The following PHF20L1 variants were observed in gnomAD, a reference collection of about 807,000 sequenced individuals.
PHF20L1 encodes the protein PHD finger protein 20-like protein 1.
A neutral mutation model predicts 125.5 loss-of-function variants in PHF20L1; 44 were observed. The ratio of observed to expected loss-of-function variants is 0.35; its 90% CI spans 0.28 to 0.45. The LOEUF (loss-of-function observed/expected upper bound fraction) is 0.45, where lower values mean the gene tolerates loss of function less well. Among genes scored for constraint, PHF20L1 ranks in the 20% least tolerant of loss-of-function variants. The pLI, the probability that PHF20L1 is intolerant of heterozygous loss-of-function variation, is 1.00. For missense variants in PHF20L1, 1,012 were observed against 1,217.2 expected, an observed-to-expected ratio of 0.83 and a Z score of 2.51; for synonymous variants, 380 against 403.1, an observed-to-expected ratio of 0.94 and a Z score of 0.69.
intron 10 of PHF20L1, chr8:132,816,560 G>A (rs1318827730): frequency 2.5e-5 from 5 of 200,646 alleles, no homozygotes; most frequent in South Asian, 1.1e-4. Flanking sequence ...CTATTTTCCC[G>A]AAGGAAAAAT....
intron 18 of PHF20L1, 126 bp from the exon 19 acceptor site, chr8:132,842,389 T>C (rs1838020823): frequency 1.4e-6 from 1 of 692,992 alleles, no homozygotes. Flanking sequence ...ATTTAAAGAT[T>C]ACCTTTGCTT....
chr8:132,834,249 G>T (rs1212722195), intron 15 of PHF20L1, among the ~76,000 whole-genome samples: 2 of 152,054 alleles, frequency 1.3e-5, no homozygotes, highest in African/African-American at 4.8e-5. Context: ...AAATTTGCTT[G>T]CTAACACCAT....
Position 132,782,772 on chromosome 8 carries a change from C to CT in PHF20L1, c.83+4874dup, listed in dbSNP as rs201732108. Among the ~76,000 whole-genome samples the CT allele has an allele frequency of 9.7e-3, 1,374 of 141,870 alleles. 34 individuals carry two copies. The highest frequency in any genetic ancestry group is 0.088 in the East Asian group (434 of 4,922). The allele number at this position is 141,870 out of a possible 152,430, so 93.1% of individuals were successfully genotyped here. On this transcript the variant is annotated intron_variant, in intron 2 of 20. Transcript: ENST00000395386. Reference sequence around the variant, plus strand: ...ACCTGCTGATTTTCTTTTTCTTTTTCTTTTTTTTTTTTTGGTAGAGAAAGC... The same window carrying CT: ...ACCTGCTGATTTTCTTTTTCTTTTTCTTTTTTTTTTTTTTGGTAGAGAAAGC...
intron 8 of PHF20L1, chr8:132,810,796 G>T: frequency 2.5e-6 from 1 of 408,002 alleles, no homozygotes; most frequent in South Asian, 2.5e-5. Context: ...GTGCAAGTGT[G>T]TGTTTTCAGT....
At position 132,844,176 on chromosome 8, in the gene PHF20L1, A is replaced by G. The variant is rs1404731556; in HGVS notation, c.2769A>G (p.Thr923=). The change falls in exon 20 of 21, where the codon ACA becomes ACG. Residue 923 remains threonine (T), a synonymous_variant. Coordinates refer to ENST00000395386, the MANE Select transcript of PHF20L1 (RefSeq NM_016018.5). ...AGAAGAATCCAGCTGAAGGGAATAC[A>G]GTATTTGTTTATAATGATAAAAAGG... ...MPEKNPAEGN[T]VFVYNDKKGT... The G allele has an allele frequency of 5.6e-6, 9 of 1,612,620 alleles. No individual in the cohort carries two copies. The highest frequency in any genetic ancestry group is 6.8e-6 in the Non-Finnish European group (8 of 1,179,030).
rs1838491840 is a variant in PHF20L1 at position 132,847,337 on chromosome 8, G to A, written c.*1414G>A. ...TATAGGTTTTGAAATTTTTTTAAAA[G>A]GGGAGAAAGACTGTTAAGAGGAGGC... On this transcript the variant is annotated 3_prime_UTR_variant, in exon 21 of 21. Transcript: ENST00000395386. 6.6e-6 allele frequency: 1 copy of A among 152,504 alleles called. No individual in the cohort carries two copies. Among genetic ancestry groups the A allele is most frequent in the Non-Finnish European group, 1.5e-5 (1 of 67,994 alleles). The allele number at this position is 152,504 out of a possible 1,614,324, so 9.4% of individuals were successfully genotyped here.
rs771372624 is a variant in PHF20L1 at position 132,804,703 on chromosome 8, G to T, written c.810G>T (p.Ser270=). The T allele has an allele frequency of 6.2e-7, 1 of 1,610,064 alleles. No individual in the cohort carries two copies. The highest frequency in any genetic ancestry group is 1.7e-5 in the Admixed American group (1 of 59,772). The change falls in exon 8 of 21, where the codon TCG becomes TCT. Residue 270 remains serine (S), a synonymous_variant. Coordinates refer to ENST00000395386, the MANE Select transcript of PHF20L1 (RefSeq NM_016018.5). ...AGAGGAAAAATAATCAAGGCAACTC[G>T]TTTCAGGCAAAGAGAGCTCGACTTA... is the stretch of plus-strand genomic sequence containing the variant. ...SNKRKNNQGN[S]FQAKRARLNK... is the part of the protein sequence containing the mutation.
rs143455867 is a variant in PHF20L1 at position 132,786,849 on chromosome 8, T to C, written c.84-7561T>C. 4.4e-3 allele frequency among the ~76,000 whole-genome samples: 671 copies of C among 152,230 alleles called. 2 individuals are homozygous for C. The highest frequency in any genetic ancestry group is 7.4e-3 in the Non-Finnish European group (506 of 67,962). On this transcript the variant is annotated intron_variant, in intron 2 of 20. Coordinates refer to ENST00000395386, the MANE Select transcript of PHF20L1 (RefSeq NM_016018.5). ...ATTAGTTTTAATCATAACAATAACA[T>C]GAACATTCGTTATTTTAAGAAGGTA...
In PHF20L1 at chr8:132,848,199, C is replaced by T. The variant is rs959327466; in HGVS notation, c.*2276C>T. 1 of 151,964 alleles carries T rather than the reference C, an allele frequency of 6.6e-6. No individual in the cohort carries two copies. The highest frequency in any genetic ancestry group is 2.4e-5 in the African/African-American group (1 of 41,384). 9.4% of individuals were successfully genotyped at this position (151,964 alleles called of 1,614,324 possible). A position where few individuals can be genotyped will look rare whatever the true frequency, so the allele number is the denominator to read the frequency against. On this transcript the variant is annotated 3_prime_UTR_variant, in exon 21 of 21. Coordinates refer to ENST00000395386, the MANE Select transcript of PHF20L1 (RefSeq NM_016018.5). ...TTGTTAGCCAGCAAATTGAAAATTC[C>T]ATTATTAGATTAATGAAATTTTTGC... is the stretch of plus-strand genomic sequence containing the variant.
chr8:132,798,704 T>C, intron 4 of PHF20L1, 68 bp from the exon 5 acceptor site: 1 of 974,678 alleles, frequency 1.0e-6, no homozygotes, highest in Non-Finnish European at 1.6e-6. Context: ...TCACTACTTG[T>C]TAGATTTCAA....
intron 18 of PHF20L1, 54 bp from the exon 19 acceptor site, chr8:132,842,458 CTTG>C (rs1838027427): frequency 6.9e-7 from 1 of 1,455,972 alleles, no homozygotes; most frequent in Non-Finnish European, 9.2e-7. Flanking sequence ...TTGTATTCAG[CTTG>C]TTAATAGATT....
rs904951117 is a variant in PHF20L1 at position 132,840,945 on chromosome 8, A to G, written c.2387+1363A>G. Reference sequence around the variant, plus strand: ...GTACTCAGTAACTATTTGTTGAATAAAATTTGCTTCAGTTTTTTATCATAA... The same window carrying G: ...GTACTCAGTAACTATTTGTTGAATAGAATTTGCTTCAGTTTTTTATCATAA... On this transcript the variant is annotated intron_variant, in intron 18 of 20. Coordinates refer to ENST00000395386, the MANE Select transcript of PHF20L1 (RefSeq NM_016018.5). 5.9e-5 allele frequency among the ~76,000 whole-genome samples: 9 copies of G among 152,212 alleles called. No individual in the cohort carries two copies. The South Asian group carries it at 1.7e-3, about 28-fold the overall frequency.
intron 15 of PHF20L1, among the ~76,000 whole-genome samples, chr8:132,836,178 G>A (rs1837337024): frequency 6.6e-6 from 1 of 152,066 alleles, no homozygotes; most frequent in African/African-American, 2.4e-5. Flanking sequence ...AAATCACAAG[G>A]GGACAACACA....
chr8:132,781,690 C>G (rs926686044), intron 2 of PHF20L1, among the ~76,000 whole-genome samples: 16 of 152,198 alleles, frequency 1.1e-4, no homozygotes, highest in Non-Finnish European at 1.2e-4. Flanking sequence ...CTCAGTCCCC[C>G]ACAGTGCTGG....
Position 132,845,901 on chromosome 8 carries a change from T to C in PHF20L1, c.3032T>C (p.Ile1011Thr). ...LLIDMGKVQQ[I>T]ATLCSV The stretch of plus-strand genomic sequence containing the variant: ...ATTGACATGGGCAAAGTACAGCAGA[T>C]AGCAACTCTTTGCTCTGTATGACAA... Residue 1011 changes from isoleucine (I) to threonine (T), a missense_variant, in exon 21 of 21, where the codon ATA becomes ACA. Physicochemically the swap from Ile to Thr is moderately conservative, Grantham distance 89. Transcript: ENST00000395386. The C allele has an allele frequency of 6.2e-7, 1 of 1,612,050 alleles. No individual in the cohort carries two copies.
Position 132,842,714 on chromosome 8 carries a change from T to C in PHF20L1, c.2587T>C (p.Tyr863His). ...EGTYITSEHS[Y>H]QKPQSFGQDC... ...AACTTATATAACAAGTGAGCATAGC[T>C]ATCAAAAGCCACAAAGTTTTGGTCA... Residue 863 changes from tyrosine (Y) to histidine (H), a missense_variant, in exon 19 of 21, where the codon TAT becomes CAT. By Grantham distance (83) the Tyr-to-His change is moderately conservative. Around this residue, in one of 7 missense-constraint regions of PHF20L1, gnomAD observed 277 missense variants for 283.6 expected, o/e 0.98. Coordinates refer to ENST00000395386, the MANE Select transcript of PHF20L1 (RefSeq NM_016018.5). 6.2e-7 allele frequency: 1 copy of C among 1,613,396 alleles called. No individual in the cohort carries two copies. The highest frequency in any genetic ancestry group is 8.5e-7 in the Non-Finnish European group (1 of 1,179,620).
At chr8:132,802,854 T>A (rs1387325114) in intron 6 of PHF20L1, among the ~76,000 whole-genome samples, 1 of 151,894 alleles carries the variant, frequency 6.6e-6, no homozygotes, top group Non-Finnish European at 1.5e-5. Flanking sequence ...TTGTGAAATT[T>A]TTAGTTGCTT....
intron 20 of PHF20L1, among the ~76,000 whole-genome samples, chr8:132,844,996 A>G (rs1036971962): frequency 6.6e-6 from 1 of 151,996 alleles, no homozygotes; most frequent in Non-Finnish European, 1.5e-5. Context: ...CCTCTACACT[A>G]AGTTAGAGCT....
intron 8 of PHF20L1, chr8:132,809,688 C>T (rs571861045): frequency 3.3e-5 from 5 of 152,292 alleles, no homozygotes; most frequent in African/African-American, 1.2e-4. Context: ...AGTTGTTAAA[C>T]ATGCTTCCTT....
Sources: allele counts gnomAD v4.1 joint callset (sites outside exome capture counted in the v4.1 genomes callset), GRCh38; gene constraint gnomAD v4.1.1; regional missense constraint gnomAD v4.1.1; transcripts MANE v1.5; gene names NCBI Gene and HGNC (gene_info 2026-07-23, HGNC 2026-07-21).